Variants in UGT2A1 observed in about 807,000 individuals in gnomAD.
The protein encoded by UGT2A1 is UDP-glucuronosyltransferase 2A1.
UGT2A1 carries 61 observed loss-of-function variants against 45.4 expected under a neutral mutation model. The ratio of observed to expected loss-of-function variants is 1.34; its 90% CI spans 1.09 to 1.66. The LOEUF (loss-of-function observed/expected upper bound fraction) is 1.66, where lower values mean the gene tolerates loss of function less well. Among genes scored for constraint, UGT2A1 ranks in the 40% most tolerant of loss-of-function variants. The probability of loss-of-function intolerance (pLI) is 0.00; values close to 1 mark genes in which losing one functional copy is unlikely to be tolerated. For synonymous variants in UGT2A1, 229 were observed against 196.2 expected, an observed-to-expected ratio of 1.17 and a Z score of -1.40; for missense variants, 649 against 574.3, an observed-to-expected ratio of 1.13 and a Z score of -1.33.
At position 69,604,099 on chromosome 4, in the gene UGT2A1, C is replaced by T. The variant is rs1300556100; in HGVS notation, c.848-4705G>A. ...AAGATACTCCTCGAGAAGAGCAACT[C>T]CAAGACACATAATTGTCAGACTCAC... is the stretch of plus-strand genomic sequence containing the variant. On this transcript the variant is annotated intron_variant, in intron 3 of 6. Transcript: ENST00000286604. 2.2e-5 allele frequency among the ~76,000 whole-genome samples: 3 copies of T among 135,374 alleles called. 1 individual carries two copies. Among genetic ancestry groups the T allele is most frequent in the African/African-American group, 6.0e-5 (2 of 33,156 alleles). The allele number at this position is 135,374 out of a possible 152,430, so 88.8% of individuals were successfully genotyped here.
chr4:69,650,020 T>C (rs1388654208), intron 1 of UGT2A1, among the ~76,000 whole-genome samples: 2 of 152,138 alleles, frequency 1.3e-5, no homozygotes, highest in East Asian at 3.9e-4. Flanking sequence ...CCCACCCCAC[T>C]GGCTTGTTTA....
chr4:69,615,724 GCAAA>G (rs993775109), intron 3 of UGT2A1, among the ~76,000 whole-genome samples: 25 of 151,518 alleles, frequency 1.6e-4, no homozygotes, highest in African/African-American at 5.8e-4. Context: ...AAACAAACAA[GCAAA>G]CAAACAGACA....
intron 3 of UGT2A1, 30 bp downstream of exon 3, chr4:69,635,661 C>T (rs1721639027): frequency 4.4e-6 from 1 of 228,872 alleles, no homozygotes. Context: ...GAAACCTCGT[C>T]TCTATTAAAA....
intron 6 of UGT2A1, among the ~76,000 whole-genome samples, chr4:69,591,714 T>G (rs1222750396): frequency 6.6e-6 from 1 of 152,178 alleles, no homozygotes; most frequent in East Asian, 1.9e-4. Context: ...AGAATTTTTA[T>G]TTTTGGTTTA....
At chr4:69,641,797 C>T (rs560670075) in intron 2 of UGT2A1, among the ~76,000 whole-genome samples, 1 of 151,760 alleles carries the variant, frequency 6.6e-6, no homozygotes, top group Non-Finnish European at 1.5e-5. Context: ...CACCTATTTC[C>T]TATAGTTCTG....
intron 1 of UGT2A1, among the ~76,000 whole-genome samples, chr4:69,650,922 T>C (rs1722495343): frequency 6.6e-6 from 1 of 152,166 alleles, no homozygotes; most frequent in East Asian, 1.9e-4. Context: ...TGCTGAAGTA[T>C]AGGCTACCTG....
Position 69,589,105 on chromosome 4 carries a change from T to A in UGT2A1, c.*267A>T. On this transcript the variant is annotated 3_prime_UTR_variant, in exon 7 of 7. Coordinates refer to ENST00000286604, the MANE Select transcript of UGT2A1 (RefSeq NM_001252275.3). The stretch of plus-strand genomic sequence containing the variant: ...AGAACATATTTAAAATTAGGTAGTA[T>A]CCTTGTGTCAGAAAAGTGACAGGAA... The A allele has an allele frequency of 3.3e-6, 1 of 299,412 alleles. No homozygotes were observed. The highest frequency in any genetic ancestry group is 6.1e-6 in the Non-Finnish European group (1 of 163,574). The allele number at this position is 299,412 out of a possible 1,614,324, so 18.5% of individuals were successfully genotyped here. A position where few individuals can be genotyped will look rare whatever the true frequency, so the allele number is the denominator to read the frequency against.
At chr4:69,623,821 T>C (rs576911559) in intron 3 of UGT2A1, among the ~76,000 whole-genome samples, 1 of 151,468 alleles carries the variant, frequency 6.6e-6, no homozygotes, top group African/African-American at 2.4e-5. Flanking sequence ...TTAAAACAGA[T>C]TCATTTGAAA....
chr4:69,590,638 A>AGTGTGT (rs4148321), intron 6 of UGT2A1, among the ~76,000 whole-genome samples: 167 of 150,300 alleles, frequency 1.1e-3, no homozygotes, highest in East Asian at 7.5e-3. Flanking sequence ...ACATGTGTTG[A>AGTGTGT]GTGTGTGTGT....
intron 2 of UGT2A1, chr4:69,639,249 T>C (rs1578002126): frequency 1.9e-6 from 3 of 1,613,714 alleles, no homozygotes; most frequent in South Asian, 1.1e-5. Context: ...GAGTTGTATG[T>C]TAATTTGAAA....
At chr4:69,635,656 C>T (rs145673753) in intron 3 of UGT2A1, 35 bp downstream of exon 3, 9,613 of 224,298 alleles carry the variant, frequency 0.043, 296 homozygotes, top group Non-Finnish European at 0.059. Flanking sequence ...ATGGTGAAAC[C>T]TCGTCTCTAT....
chr4:69,633,831 T>C (rs1016031572), intron 3 of UGT2A1, among the ~76,000 whole-genome samples: 3 of 152,184 alleles, frequency 2.0e-5, no homozygotes, highest in African/African-American at 4.8e-5. Context: ...AGAGGAGTTA[T>C]GGATTGCATT....
Position 69,606,632 on chromosome 4 carries a change from G to T in UGT2A1, c.848-7238C>A, listed in dbSNP as rs1719641227. Among the ~76,000 whole-genome samples, 2 of 136,776 alleles carry T rather than the reference G, an allele frequency of 1.5e-5. 1 individual carries two copies. Among genetic ancestry groups the T allele is most frequent in the South Asian group, 4.8e-4 (2 of 4,156 alleles). The allele number at this position is 136,776 out of a possible 152,430, so 89.7% of individuals were successfully genotyped here. A position where few individuals can be genotyped will look rare whatever the true frequency, so the allele number is the denominator to read the frequency against. On this transcript the variant is annotated intron_variant, in intron 3 of 6. Coordinates refer to ENST00000286604, the MANE Select transcript of UGT2A1 (RefSeq NM_001252275.3). ...CAATTAGGAAAGAGGAAGTCAAATTGTCCCTGTTTGCAGTTGACATGATTG... is the reference window on the plus strand; with the variant it reads ...CAATTAGGAAAGAGGAAGTCAAATTTTCCCTGTTTGCAGTTGACATGATTG...
chr4:69,649,449 A>G (rs558548253), intron 1 of UGT2A1, among the ~76,000 whole-genome samples: 1 of 152,076 alleles, frequency 6.6e-6, no homozygotes, highest in African/African-American at 2.4e-5. Flanking sequence ...ATTTTCTTCT[A>G]TTTATTTATT....
rs1314595505 is a variant in UGT2A1, at chr4:69,606,145, C to G, written c.848-6751G>C. Among the ~76,000 whole-genome samples, 2 of 136,254 alleles carry G rather than the reference C, an allele frequency of 1.5e-5. 1 individual carries two copies. The highest frequency in any genetic ancestry group is 1.4e-4 in the Admixed American group (2 of 13,900). The allele number at this position is 136,254 out of a possible 152,430, so 89.4% of individuals were successfully genotyped here. On this transcript the variant is annotated intron_variant, in intron 3 of 6. Coordinates refer to ENST00000286604, the MANE Select transcript of UGT2A1 (RefSeq NM_001252275.3). Reference sequence around the variant, plus strand: ...AAAAAGAGAATTTTAGACCAATATCCCTGATGAACATCGAGGCAAAAATCC... The same window carrying G: ...AAAAAGAGAATTTTAGACCAATATCGCTGATGAACATCGAGGCAAAAATCC...
In UGT2A1 at chr4:69,605,004, C is replaced by A. The variant is rs866891837; in HGVS notation, c.848-5610G>T. Among the ~76,000 whole-genome samples, 2 of 136,234 alleles carry A rather than the reference C, an allele frequency of 1.5e-5. 1 individual carries two copies. The highest frequency in any genetic ancestry group is 6.0e-5 in the African/African-American group (2 of 33,534). The allele number at this position is 136,234 out of a possible 152,430, so 89.4% of individuals were successfully genotyped here. A position where few individuals can be genotyped will look rare whatever the true frequency, so the allele number is the denominator to read the frequency against. ...TTGACACCCCACTGTCAACGTTAGA[C>A]AGATCAATGAGACAGAAAGATAACA... On this transcript the variant is annotated intron_variant, in intron 3 of 6. Transcript: ENST00000286604.
intron 3 of UGT2A1, among the ~76,000 whole-genome samples, chr4:69,634,461 CAGAAAAGAAACTATAGTTG>C (rs1263595118): frequency 6.6e-6 from 1 of 151,722 alleles, no homozygotes; most frequent in South Asian, 2.1e-4. Context: ...ACACTGGGCC[CAGAAAAGAAACTATAGTTG>C]AAATACAAAT....
intron 3 of UGT2A1, among the ~76,000 whole-genome samples, chr4:69,610,537 T>TA (rs939521771): frequency 6.6e-6 from 1 of 152,198 alleles, no homozygotes; most frequent in African/African-American, 2.4e-5. Flanking sequence ...TAATCTGTTT[T>TA]AAAAATCAGT....
rs761819540 is a variant in UGT2A1 at position 69,647,633 on chromosome 4, GTTGT to G, written c.8_11del (p.Asn3ThrfsTer9). ...TTATCTGAAGGGAGAACAGCAGAAG[GTTGT>G]TTAACATGATGTGGCTTGATGCAGA... On this transcript the variant is annotated frameshift_variant, in exon 2 of 7. Coordinates refer to ENST00000286604, the MANE Select transcript of UGT2A1 (RefSeq NM_001252275.3). LOFTEE classifies it high-confidence loss of function. The G allele has an allele frequency of 6.4e-7, 1 of 1,573,326 alleles. No individual in the cohort carries two copies. The highest frequency in any genetic ancestry group is 2.3e-5 in the East Asian group (1 of 44,410).
Sources: allele counts gnomAD v4.1 joint callset (sites outside exome capture counted in the v4.1 genomes callset), GRCh38; gene constraint gnomAD v4.1.1; transcripts MANE v1.5; gene names NCBI Gene and HGNC (gene_info 2026-07-23, HGNC 2026-07-21).